PBX1: variants seen among roughly 807,000 people sequenced by gnomAD.
The protein encoded by PBX1 is PBX homeobox 1.
Under a neutral mutation model 53.4 loss-of-function variants are expected in PBX1, and 6 were observed. The observed-to-expected ratio is 0.11, with a 90% confidence interval of 0.06 to 0.22. PBX1 has a LOEUF of 0.22. Among genes scored for constraint, PBX1 ranks in the 10% least tolerant of loss-of-function variants. PBX1 has a pLI of 1.00. For missense variants in PBX1, 251 were observed against 551.4 expected (o/e 0.46, Z 5.46); for synonymous variants, 204 against 212.3 (o/e 0.96, Z 0.34).
rs947536189 is a variant in PBX1, at chr1:164,847,232, C to T, written c.*556C>T. 1 of 1,074,074 alleles carries T rather than the reference C, an allele frequency of 9.3e-7. No individual in the cohort carries two copies. Among genetic ancestry groups the T allele is most frequent in the Non-Finnish European group, 1.1e-6 (1 of 883,772 alleles). The allele number at this position is 1,074,074 out of a possible 1,614,324, so 66.5% of individuals were successfully genotyped here. A position where few individuals can be genotyped will look rare whatever the true frequency, so the allele number is the denominator to read the frequency against. ...CCAGGCCTCCCTGCTTCCTCTTGCT[C>T]TTCCTCCCTGGGGACAGTACTGATT... is the stretch of plus-strand genomic sequence containing the variant. On this transcript the variant is annotated 3_prime_UTR_variant, in exon 9 of 9. Transcript: ENST00000420696.
chr1:164,614,616 A>G (rs1321620949), intron 2 of PBX1, among the ~76,000 whole-genome samples: 1 of 152,016 alleles, frequency 6.6e-6, no homozygotes, highest in Non-Finnish European at 1.5e-5. Context: ...GCCTGTTTCA[A>G]CCCTGTGAAA....
intron 2 of PBX1, among the ~76,000 whole-genome samples, chr1:164,778,335 CTGTTTGGTT>C (rs1248842002): frequency 6.6e-6 from 1 of 152,122 alleles, no homozygotes; most frequent in Admixed American, 6.5e-5. Flanking sequence ...AATACCATGT[CTGTTTGGTT>C]TGCTTTAAGA....
At chr1:164,765,923 G>C (rs1320939440) in intron 2 of PBX1, among the ~76,000 whole-genome samples, 1 of 152,046 alleles carries the variant, frequency 6.6e-6, no homozygotes, top group African/African-American at 2.4e-5. Context: ...TGCTAACCTT[G>C]TTTGAATAAA....
In PBX1 at chr1:164,659,950, T is replaced by A. The variant is rs61803806; in HGVS notation, c.265+96639T>A. ...TGAGCTTGATTCTCCAGGTTTCCTG[T>A]TGACTCTGAGAGGCACTGCCTATCT... is the stretch of plus-strand genomic sequence containing the variant. On this transcript the variant is annotated intron_variant, in intron 2 of 8. Transcript: ENST00000420696. Among the ~76,000 whole-genome samples, 121 of 152,316 alleles carry A rather than the reference T, an allele frequency of 7.9e-4. 1 individual carries two copies. The highest frequency in any genetic ancestry group is 3.4e-3 in the Middle Eastern group (1 of 294).
chr1:164,600,591 T>C (rs554399556), intron 2 of PBX1, among the ~76,000 whole-genome samples: 2 of 152,324 alleles, frequency 1.3e-5, no homozygotes, highest in Admixed American at 1.3e-4. Context: ...TTCCCTCTCT[T>C]GCCACAAAAG....
chr1:164,684,136 T>G (rs1661955671), intron 2 of PBX1: 1 of 152,156 alleles, frequency 6.6e-6, no homozygotes, highest in Non-Finnish European at 1.5e-5. Context: ...TTCTAAAGAT[T>G]TCTTTCCTGT....
intron 2 of PBX1, among the ~76,000 whole-genome samples, chr1:164,611,572 TA>T (rs1175244716): frequency 1.3e-5 from 2 of 152,010 alleles, no homozygotes; most frequent in Non-Finnish European, 2.9e-5. Flanking sequence ...TGTGTATACA[TA>T]ATCACTGGGG....
intron 2 of PBX1, among the ~76,000 whole-genome samples, chr1:164,629,892 A>T (rs928841725): frequency 1.3e-5 from 2 of 152,176 alleles, no homozygotes; most frequent in African/African-American, 4.8e-5. Flanking sequence ...CACATTTGGG[A>T]TGCTTGTATA....
At chr1:164,805,428 A>T (rs1231934596) in intron 4 of PBX1, among the ~76,000 whole-genome samples, 1 of 152,194 alleles carries the variant, frequency 6.6e-6, no homozygotes, top group African/African-American at 2.4e-5. Flanking sequence ...AGTAGGTGAG[A>T]CCACCTAGGG....
At chr1:164,604,593 A>G (rs1194588436) in intron 2 of PBX1, among the ~76,000 whole-genome samples, 3 of 152,216 alleles carry the variant, frequency 2.0e-5, no homozygotes, top group Admixed American at 6.5e-5. Context: ...TTCTGTCCTG[A>G]GAGCCGTTGC....
chr1:164,585,144 G>T (rs148290005), intron 2 of PBX1, among the ~76,000 whole-genome samples: 14 of 152,254 alleles, frequency 9.2e-5, no homozygotes, highest in African/African-American at 3.4e-4. Context: ...ATCTTTCTGG[G>T]CACACTCCTC....
chr1:164,680,380 A>C (rs1661688694), intron 2 of PBX1: 1 of 152,060 alleles, frequency 6.6e-6, no homozygotes, highest in South Asian at 2.1e-4. Context: ...ATCTGATTTT[A>C]TTTTCTTTTT....
At chr1:164,795,240 C>T (rs929042095) in intron 3 of PBX1, among the ~76,000 whole-genome samples, 2 of 152,116 alleles carry the variant, frequency 1.3e-5, no homozygotes, top group Non-Finnish European at 2.9e-5. Flanking sequence ...GCCCTAGAAT[C>T]CAGGATTTTA....
intron 2 of PBX1, among the ~76,000 whole-genome samples, chr1:164,749,347 T>C (rs1666073065): frequency 6.6e-6 from 1 of 152,210 alleles, no homozygotes; most frequent in African/African-American, 2.4e-5. Context: ...TAACAACTGC[T>C]TAATATTTCT....
intron 2 of PBX1, chr1:164,684,220 C>T (rs1244870140): frequency 1.3e-5 from 2 of 152,180 alleles, no homozygotes; most frequent in East Asian, 3.9e-4. Flanking sequence ...ATTCCTTAAG[C>T]TCAAGGGTCT....
At chr1:164,701,795 T>C (rs1310873968) in intron 2 of PBX1, among the ~76,000 whole-genome samples, 2 of 152,226 alleles carry the variant, frequency 1.3e-5, no homozygotes, top group African/African-American at 2.4e-5. Flanking sequence ...TCTGTACTTA[T>C]GATTTGTGTC....
chr1:164,857,137 C>G (rs571261737), intron 2 of PBX1, among the ~76,000 whole-genome samples: 1 of 152,318 alleles, frequency 6.6e-6, no homozygotes, highest in African/African-American at 2.4e-5. Context: ...GCCCTCACAT[C>G]AGACACCAGC....
chr1:164,730,876 T>C (rs999496882), intron 2 of PBX1, among the ~76,000 whole-genome samples: 3 of 152,260 alleles, frequency 2.0e-5, no homozygotes, highest in African/African-American at 7.2e-5. Flanking sequence ...CACCCATCTG[T>C]AGATGGTGGC....
chr1:164,847,257 T>G lies in PBX1; in HGVS notation c.*581T>G. The G allele has an allele frequency of 9.4e-7, 1 of 1,066,696 alleles. No individual in the cohort carries two copies. Among genetic ancestry groups the G allele is most frequent in the South Asian group, 4.5e-5 (1 of 22,040 alleles). The allele number at this position is 1,066,696 out of a possible 1,614,324, so 66.1% of individuals were successfully genotyped here. Reference sequence around the variant, plus strand: ...CTTCCTCCCTGGGGACAGTACTGATTGGAACACTTTCCTCCTCTTCCTTCC... The same window carrying G: ...CTTCCTCCCTGGGGACAGTACTGATGGGAACACTTTCCTCCTCTTCCTTCC... On this transcript the variant is annotated 3_prime_UTR_variant, in exon 9 of 9. Transcript: ENST00000420696.
Sources: gnomAD v4.1 joint callset for allele counts (sites outside exome capture counted in the v4.1 genomes callset) on GRCh38, gnomAD v4.1.1 for gene constraint, MANE v1.5 for transcripts, NCBI Gene and HGNC (gene_info 2026-07-23, HGNC 2026-07-21) for gene names.